MMAA: variants seen among roughly 807,000 people sequenced by gnomAD.
The protein encoded by MMAA is metabolism of cobalamin associated A.
In MMAA, 41 loss-of-function variants were observed where a neutral mutation model predicts 45.0. That is an observed-to-expected ratio of 0.91 (90% CI 0.71 to 1.18). The LOEUF is 1.18. Among genes scored for constraint, MMAA ranks in the 50% most tolerant of loss-of-function variants. MMAA has a pLI of 0.00. For missense variants in MMAA, 460 were observed against 495.7 expected, an observed-to-expected ratio of 0.93 and a Z score of 0.68; for synonymous variants, 154 against 178.2, an observed-to-expected ratio of 0.86 and a Z score of 1.08.
chr4:145,624,785 G>A lies in MMAA; in HGVS notation c.-66+5378G>A, dbSNP rs937100470. ...TCTCATCATACACGCACTCTGCAAA[G>A]CTTATGCAGGGCTCATTGGCTCTGC... is the stretch of plus-strand genomic sequence containing the variant. On this transcript the variant is annotated intron_variant, in intron 1 of 6. Transcript: ENST00000649156. The A allele has an allele frequency of 8.1e-6, 13 of 1,604,806 alleles. No individual in the cohort carries two copies. In the Admixed American group the frequency reaches 8.4e-5, roughly 10 times the overall value.
intron 1 of MMAA, among the ~76,000 whole-genome samples, chr4:145,629,833 A>G (rs1335179318): frequency 1.3e-5 from 2 of 152,134 alleles, no homozygotes; most frequent in African/African-American, 4.8e-5. Context: ...TATCAGGAGA[A>G]CGGCACAGGA....
intron 2 of MMAA, 85 bp from the exon 3 acceptor site, chr4:145,642,278 G>A: frequency 7.1e-7 from 1 of 1,400,462 alleles, no homozygotes; most frequent in South Asian, 1.2e-5. Context: ...GAAATAGAAG[G>A]TAGTCTAATA....
At chr4:145,624,411 C>T in intron 1 of MMAA, 1 of 784,434 alleles carries the variant, frequency 1.3e-6, no homozygotes, top group Admixed American at 1.8e-5. Flanking sequence ...AAAGGAACAC[C>T]AGGAAGTGCT....
At position 145,639,077 on chromosome 4, in the gene MMAA, AG is replaced by A; in HGVS notation, c.-61del. On this transcript the variant is annotated 5_prime_UTR_variant, in exon 2 of 7. Coordinates refer to ENST00000649156, the MANE Select transcript of MMAA (RefSeq NM_172250.3). ...TAACATGTTTTTCTTTCTTCTAGGGAGGTCACAATCACATTGAGCCAAAACG... is the reference window on the plus strand; with the variant it reads ...TAACATGTTTTTCTTTCTTCTAGGGAGTCACAATCACATTGAGCCAAAACG... The A allele has an allele frequency of 1.4e-6, 2 of 1,434,558 alleles. No individual in the cohort carries two copies. The highest frequency in any genetic ancestry group is 2.0e-6 in the Non-Finnish European group (2 of 1,016,494). 88.9% of individuals were successfully genotyped at this position (1,434,558 alleles called of 1,614,324 possible). A position where few individuals can be genotyped will look rare whatever the true frequency, so the allele number is the denominator to read the frequency against.
In MMAA at chr4:145,658,862, G is replaced by C. The variant is rs1483030280; in HGVS notation, c.*3428G>C. ...TCTATATGTTTGTGCAGATGGTGGAGCTTTTCTGCTCCTAAAGCCTGAGAA... is the reference window on the plus strand; with the variant it reads ...TCTATATGTTTGTGCAGATGGTGGACCTTTTCTGCTCCTAAAGCCTGAGAA... On this transcript the variant is annotated 3_prime_UTR_variant, in exon 7 of 7. Transcript: ENST00000649156. 1 of 152,210 alleles carries C rather than the reference G, an allele frequency of 6.6e-6. No homozygotes were observed. The highest frequency in any genetic ancestry group is 6.5e-5 in the Admixed American group (1 of 15,282). The allele number at this position is 152,210 out of a possible 1,614,324, so 9.4% of individuals were successfully genotyped here.
chr4:145,633,969 C>A (rs910975339), intron 1 of MMAA, among the ~76,000 whole-genome samples: 1 of 152,204 alleles, frequency 6.6e-6, no homozygotes, highest in African/African-American at 2.4e-5. Context: ...GTTATACAAG[C>A]AACCCTGTGG....
At chr4:145,641,480 G>T (rs1198419489) in intron 2 of MMAA, among the ~76,000 whole-genome samples, 1 of 152,110 alleles carries the variant, frequency 6.6e-6, no homozygotes, top group African/African-American at 2.4e-5. Flanking sequence ...AAAGAGTCAG[G>T]CATCCCATAC....
chr4:145,645,211 A>AT (rs1429955722), intron 3 of MMAA, among the ~76,000 whole-genome samples: 2 of 152,082 alleles, frequency 1.3e-5, no homozygotes, highest in Non-Finnish European at 2.9e-5. Flanking sequence ...GCTCATGGAG[A>AT]TAATAGAAAG....
rs1727807687 is a variant in MMAA at position 145,642,254 on chromosome 4, T to TTA, written c.440-108_440-107dup. 12 of 1,252,824 alleles carry TTA rather than the reference T, an allele frequency of 9.6e-6. No homozygotes were observed. The South Asian group carries it at 1.5e-4, about 15-fold the overall frequency. 77.6% of individuals were successfully genotyped at this position (1,252,824 alleles called of 1,614,324 possible). On this transcript the variant is annotated intron_variant, in intron 2 of 6. Coordinates refer to ENST00000649156, the MANE Select transcript of MMAA (RefSeq NM_172250.3). ...ATGTTGAAATATATTAATTGTGGTT[T>TTA]TAATACATTAGGGGAAATAGAAGGT... is the stretch of plus-strand genomic sequence containing the variant.
chr4:145,637,889 C>G (rs527312062), intron 1 of MMAA, among the ~76,000 whole-genome samples: 2 of 152,310 alleles, frequency 1.3e-5, no homozygotes, highest in East Asian at 1.9e-4. Context: ...TACCTATTCT[C>G]TTTACTCAAG....
chr4:145,624,689 C>T, intron 1 of MMAA: 1 of 1,525,684 alleles, frequency 6.6e-7, no homozygotes, highest in Non-Finnish European at 9.0e-7. Context: ...GTTTGGGTTC[C>T]ATGGGCATCC....
At chr4:145,634,599 T>C (rs1445579977) in intron 1 of MMAA, among the ~76,000 whole-genome samples, 2 of 151,968 alleles carry the variant, frequency 1.3e-5, no homozygotes, top group East Asian at 3.9e-4. Context: ...AAATTCCTCT[T>C]TACTTTTCCC....
chr4:145,639,847 A>G (rs1443525956), intron 2 of MMAA: 1 of 982,532 alleles, frequency 1.0e-6, no homozygotes, highest in Non-Finnish European at 1.2e-6. Flanking sequence ...GGACAGAAAT[A>G]TTCATAGGAA....
intron 1 of MMAA, chr4:145,624,530 G>A (rs762292484): frequency 9.0e-7 from 1 of 1,114,480 alleles, no homozygotes; most frequent in East Asian, 2.3e-5. Flanking sequence ...ACAAGGTGCT[G>A]TTCTTTATGA....
At chr4:145,649,657 G>T (rs778568618) in intron 4 of MMAA, among the ~76,000 whole-genome samples, 2 of 152,138 alleles carry the variant, frequency 1.3e-5, no homozygotes, top group Non-Finnish European at 2.9e-5. Context: ...TCTTTCATCT[G>T]ATACACTGAT....
At chr4:145,634,666 G>T (rs539579621) in intron 1 of MMAA, among the ~76,000 whole-genome samples, 1 of 151,832 alleles carries the variant, frequency 6.6e-6, no homozygotes, top group African/African-American at 2.4e-5. Flanking sequence ...CTGGGAATGC[G>T]CTGAGTCTTA....
intron 2 of MMAA, among the ~76,000 whole-genome samples, chr4:145,640,133 G>A (rs954274336): frequency 2.0e-5 from 3 of 152,192 alleles, no homozygotes; most frequent in East Asian, 1.9e-4. Flanking sequence ...TTTTGAGACA[G>A]TCTTGCTCTG....
At chr4:145,627,508 G>A (rs892663054) in intron 1 of MMAA, among the ~76,000 whole-genome samples, 1 of 152,176 alleles carries the variant, frequency 6.6e-6, no homozygotes, top group Non-Finnish European at 1.5e-5. Context: ...CACTGTGATA[G>A]TTTCTGAGGA....
At chr4:145,647,104 A>G (rs749322089) in intron 4 of MMAA, among the ~76,000 whole-genome samples, 5 of 152,218 alleles carry the variant, frequency 3.3e-5, no homozygotes, top group Non-Finnish European at 5.9e-5. Flanking sequence ...TACTAATCCC[A>G]GAAGGAGATG....
Sources: gnomAD v4.1 joint callset for allele counts (sites outside exome capture counted in the v4.1 genomes callset) on GRCh38, gnomAD v4.1.1 for gene constraint, MANE v1.5 for transcripts, NCBI Gene and HGNC (gene_info 2026-07-23, HGNC 2026-07-21) for gene names.